The following FGF9 variants were observed in gnomAD, a reference collection of about 807,000 sequenced individuals.
The protein encoded by FGF9 is fibroblast growth factor 9 (glia-activating factor).
A neutral mutation model predicts 19.9 loss-of-function variants in FGF9; 3 were observed. The observed-to-expected ratio is 0.15, with a 90% CI of 0.07 to 0.39. The LOEUF (loss-of-function observed/expected upper bound fraction) is 0.39, where lower values mean the gene tolerates loss of function less well. Among genes scored for constraint, FGF9 ranks in the 10% least tolerant of loss-of-function variants. The pLI is 1.00. For missense variants in FGF9, 175 were observed against 256.8 expected (o/e 0.68, Z 2.18); for synonymous variants, 107 against 106.9 (o/e 1.00, Z -0.01).
At position 21,671,672 on chromosome 13, in the gene FGF9, A is replaced by T. The variant is rs1207381705; in HGVS notation, c.-241A>T. The stretch of plus-strand genomic sequence containing the variant: ...ACATAGATATGTTTATCAATATGTC[A>T]GTGTGTGAGTATAAAGTGGTGGTTT... On this transcript the variant is annotated 5_prime_UTR_variant, in exon 1 of 3. Coordinates refer to ENST00000382353, the MANE Select transcript of FGF9 (RefSeq NM_002010.3). 1.2e-5 allele frequency: 7 copies of T among 608,412 alleles called. No homozygotes were observed. The highest frequency in any genetic ancestry group is 1.7e-5 in the Non-Finnish European group (6 of 343,654). 37.7% of individuals were successfully genotyped at this position (608,412 alleles called of 1,614,324 possible).
chr13:21,675,790 C>T (rs1452190357), intron 1 of FGF9, among the ~76,000 whole-genome samples: 1 of 152,138 alleles, frequency 6.6e-6, no homozygotes, highest in African/African-American at 2.4e-5. Context: ...CCCATGCAGC[C>T]GCAGGTGACT....
At chr13:21,695,095 T>TGC (rs1311764614) in intron 2 of FGF9, among the ~76,000 whole-genome samples, 171 of 151,322 alleles carry the variant, frequency 1.1e-3, no homozygotes, top group African/African-American at 3.8e-3. Flanking sequence ...TGTGTGTGTG[T>TGC]GTGTGTGTGT....
At chr13:21,674,057 A>G (rs1284998799) in intron 1 of FGF9, 2 of 152,364 alleles carry the variant, frequency 1.3e-5, no homozygotes, top group Non-Finnish European at 2.9e-5. Flanking sequence ...TTTTGGCCCA[A>G]GTTGAGCCCC....
intron 1 of FGF9, among the ~76,000 whole-genome samples, chr13:21,680,040 A>G (rs1872006689): frequency 6.6e-6 from 1 of 152,082 alleles, no homozygotes; most frequent in Admixed American, 6.6e-5. Flanking sequence ...AGTTACAGAA[A>G]TTGAAACTGC....
At chr13:21,675,175 C>T (rs1489596954) in intron 1 of FGF9, among the ~76,000 whole-genome samples, 6 of 151,622 alleles carry the variant, frequency 4.0e-5, no homozygotes, top group African/African-American at 2.4e-5. Context: ...TCTGGCGCTC[C>T]GCTGTGCCAC....
chr13:21,689,158 T>C lies in FGF9; in HGVS notation c.381+8013T>C, dbSNP rs535941558. Among the ~76,000 whole-genome samples the C allele has an allele frequency of 3.3e-5, 5 of 152,266 alleles. No homozygotes were observed. In the East Asian group the frequency reaches 9.7e-4, roughly 29 times the overall value. On this transcript the variant is annotated intron_variant, in intron 2 of 2. Transcript: ENST00000382353. ...AGCCCAACGCCCCTCTTTCCCACGC[T>C]GGATTTTACTCTCTTCCCTGCTTCA...
At chr13:21,696,074 G>A (rs1166058816) in intron 2 of FGF9, among the ~76,000 whole-genome samples, 4 of 152,152 alleles carry the variant, frequency 2.6e-5, no homozygotes, top group African/African-American at 7.2e-5. Flanking sequence ...GCATAGATAC[G>A]AATTGAGCAT....
intron 2 of FGF9, among the ~76,000 whole-genome samples, chr13:21,694,931 A>G (rs770333898): frequency 6.6e-6 from 1 of 152,182 alleles, no homozygotes; most frequent in Non-Finnish European, 1.5e-5. Context: ...TGCTAAACAA[A>G]CATTCATTTT....
At chr13:21,684,260 C>T (rs1872107193) in intron 2 of FGF9, among the ~76,000 whole-genome samples, 1 of 151,960 alleles carries the variant, frequency 6.6e-6, no homozygotes, top group South Asian at 2.1e-4. Context: ...ACATAAGTCA[C>T]AGTACAGTTT....
chr13:21,679,814 C>T (rs191328125), intron 1 of FGF9, among the ~76,000 whole-genome samples: 121 of 150,656 alleles, frequency 8.0e-4, no homozygotes, highest in Middle Eastern at 3.4e-3. Flanking sequence ...TTTAGCCCAG[C>T]GTGGTGGCTG....
chr13:21,685,441 A>C (rs553498346), intron 2 of FGF9, among the ~76,000 whole-genome samples: 1 of 152,344 alleles, frequency 6.6e-6, no homozygotes, highest in Admixed American at 6.5e-5. Flanking sequence ...TCTTCAGAAA[A>C]ATATACAGGA....
At chr13:21,681,811 G>A (rs73447748) in intron 2 of FGF9, among the ~76,000 whole-genome samples, 5,628 of 152,144 alleles carry the variant, frequency 0.037, 323 homozygotes, top group African/African-American at 0.13. Flanking sequence ...ACTCTGTGGC[G>A]GGGACTAACT....
chr13:21,683,751 C>A (rs373215764), intron 2 of FGF9, among the ~76,000 whole-genome samples: 1 of 152,216 alleles, frequency 6.6e-6, no homozygotes, highest in Non-Finnish European at 1.5e-5. Context: ...GCTTTCCTTG[C>A]GGAAACGTCT....
rs1357119957 is a variant in FGF9, at chr13:21,704,267, C to G, written c.*2832C>G. 1 of 152,212 alleles carries G rather than the reference C, an allele frequency of 6.6e-6. No homozygotes were observed. The allele number at this position is 152,212 out of a possible 1,614,324, so 9.4% of individuals were successfully genotyped here. On this transcript the variant is annotated 3_prime_UTR_variant, in exon 3 of 3. Coordinates refer to ENST00000382353, the MANE Select transcript of FGF9 (RefSeq NM_002010.3). ...TGGGCTGAACAACCTTCCCATCTGT[C>G]ATGTGAATGTCCCCAAGCAGTGGTG...
intron 2 of FGF9, among the ~76,000 whole-genome samples, chr13:21,697,766 G>T (rs17840912): frequency 0.014 from 2,051 of 150,846 alleles, 22 homozygotes; most frequent in Middle Eastern, 0.024. Context: ...CAGATAAATA[G>T]AATTATTCAA....
chr13:21,698,606 C>T (rs1872469890), intron 2 of FGF9, among the ~76,000 whole-genome samples: 1 of 152,146 alleles, frequency 6.6e-6, no homozygotes, highest in African/African-American at 2.4e-5. Context: ...ATCACATAAA[C>T]TCATTATCTT....
rs1295114733 is a variant in FGF9, at chr13:21,703,193, G to T, written c.*1758G>T. ...CAAAGTGACGGTTTAAACATGTGTT[G>T]GGATTTATTGAACTAATTTTAAAAT... On this transcript the variant is annotated 3_prime_UTR_variant, in exon 3 of 3. Coordinates refer to ENST00000382353, the MANE Select transcript of FGF9 (RefSeq NM_002010.3). 6.6e-6 allele frequency: 1 copy of T among 152,170 alleles called. No individual in the cohort carries two copies. Among genetic ancestry groups the T allele is most frequent in the African/African-American group, 2.4e-5 (1 of 41,444 alleles). 9.4% of individuals were successfully genotyped at this position (152,170 alleles called of 1,614,324 possible).
In FGF9 at chr13:21,672,211, T is replaced by C. The variant is rs1871785135; in HGVS notation, c.277+22T>C. On this transcript the variant is annotated intron_variant, in intron 1 of 2. Transcript: ENST00000382353. The surrounding 1 kb of genome is among the most constrained non-coding windows in gnomAD (Gnocchi z 4.2). ...TTTGGTAGGTATACCATTAACCCTT[T>C]AGTGTCCATGAGATGACATGTTGAA... 1.2e-6 allele frequency: 2 copies of C among 1,613,824 alleles called. No individual in the cohort carries two copies. The highest frequency in any genetic ancestry group is 1.7e-6 in the Non-Finnish European group (2 of 1,179,764).
chr13:21,679,907 A>G (rs1872001955), intron 1 of FGF9, among the ~76,000 whole-genome samples: 1 of 151,014 alleles, frequency 6.6e-6, no homozygotes, highest in South Asian at 2.1e-4. Flanking sequence ...CAGTGAGCCA[A>G]GATCGCACCA....
Sources: gnomAD v4.1 joint callset for allele counts (sites outside exome capture counted in the v4.1 genomes callset) on GRCh38, gnomAD v4.1.1 for gene constraint, Gnocchi (gnomAD v3.1) non-coding constraint, MANE v1.5 for transcripts, NCBI Gene and HGNC (gene_info 2026-07-23, HGNC 2026-07-21) for gene names.